The following XRN1 variants were observed in gnomAD, a reference collection of about 807,000 sequenced individuals.
The protein encoded by XRN1 is 5'-3' exoribonuclease 1.
In XRN1, 67 loss-of-function variants were observed where a neutral mutation model predicts 222.3. That is an observed-to-expected ratio of 0.30 (90% CI 0.25 to 0.37). The LOEUF (loss-of-function observed/expected upper bound fraction) is 0.37, where lower values mean the gene tolerates loss of function less well. XRN1 is among the 10% of genes least tolerant of loss of function. XRN1 has a pLI of 1.00. For synonymous variants in XRN1, 643 were observed against 652.4 expected, an observed-to-expected ratio of 0.99 and a Z score of 0.22; for missense variants, 1,707 against 2,000.2, an observed-to-expected ratio of 0.85 and a Z score of 2.80.
At chr3:142,318,975 A>C in intron 37 of XRN1, 72 bp from the exon 38 acceptor site, 2 of 1,189,046 alleles carry the variant, frequency 1.7e-6, no homozygotes, top group Middle Eastern at 2.9e-4. Context: ...AGTTTAGTCT[A>C]AACAAGTAAA....
intron 37 of XRN1, among the ~76,000 whole-genome samples, chr3:142,320,357 C>CA (rs2065319934): frequency 6.6e-6 from 1 of 152,122 alleles, no homozygotes; most frequent in African/African-American, 2.4e-5. Context: ...TGTTTGTTGG[C>CA]AACCCCTTGA....
At chr3:142,371,031 G>A (rs910156786) in intron 26 of XRN1, among the ~76,000 whole-genome samples, 3 of 151,874 alleles carry the variant, frequency 2.0e-5, no homozygotes, top group Non-Finnish European at 4.4e-5. Context: ...AGCTACTCAG[G>A]AGGCTGAGGT....
In XRN1 at chr3:142,311,531, C is replaced by T. The variant is rs760250895; in HGVS notation, c.5065G>A (p.Val1689Ile). The change falls in exon 41 of 41, where the codon GTT becomes ATT. Residue 1689 changes from valine (V) to isoleucine (I), a missense_variant. By Grantham distance (29) the Val-to-Ile change is conservative (BLOSUM62 3). Coordinates refer to ENST00000392981, the MANE Select transcript of XRN1 (RefSeq NM_001282857.2). ...CAAATTTACTCAGAAGGTTTAGAAACACCAAAATTAACAGCCAGTTTTCTT... is the reference window on the plus strand; with the variant it reads ...CAAATTTACTCAGAAGGTTTAGAAATACCAAAATTAACAGCCAGTTTTCTT... Reference protein sequence around the residue: ...KSRKLAVNFGVSKPSE With the variant: ...KSRKLAVNFGISKPSE 1 of 1,607,706 alleles carries T rather than the reference C, an allele frequency of 6.2e-7. No homozygotes were observed. Among genetic ancestry groups the T allele is most frequent in the Non-Finnish European group, 8.5e-7 (1 of 1,176,174 alleles).
At chr3:142,424,194 A>G (rs556505844) in intron 5 of XRN1, among the ~76,000 whole-genome samples, 2 of 152,280 alleles carry the variant, frequency 1.3e-5, no homozygotes, top group South Asian at 4.1e-4. Flanking sequence ...CCCAGGTTCA[A>G]GCAATTCTCC....
intron 1 of XRN1, among the ~76,000 whole-genome samples, chr3:142,445,414 G>A (rs536717257): frequency 1.6e-4 from 25 of 151,928 alleles, no homozygotes; most frequent in South Asian, 1.0e-3. Context: ...CCTTTTTCTC[G>A]TATAATAACT....
chr3:142,447,782 G>A lies in XRN1; in HGVS notation c.75+88C>T. On this transcript the variant is annotated intron_variant, in intron 1 of 40. Coordinates refer to ENST00000392981, the MANE Select transcript of XRN1 (RefSeq NM_001282857.2). This position sits in a 1 kb window ranked among gnomAD's most constrained non-coding sequence, Gnocchi z 4.2. ...TCGTCCAGACGACGAGGGGAAAGAGGTGGCTCGAAAGCCCCAGCTCTAAGG... is the reference window on the plus strand; with the variant it reads ...TCGTCCAGACGACGAGGGGAAAGAGATGGCTCGAAAGCCCCAGCTCTAAGG... The A allele has an allele frequency of 6.9e-7, 1 of 1,446,356 alleles. No homozygotes were observed. Among genetic ancestry groups the A allele is most frequent in the Non-Finnish European group, 9.5e-7 (1 of 1,047,654 alleles). The allele number at this position is 1,446,356 out of a possible 1,614,324, so 89.6% of individuals were successfully genotyped here.
intron 34 of XRN1, among the ~76,000 whole-genome samples, chr3:142,333,581 C>G (rs1045423030): frequency 2.6e-5 from 4 of 152,110 alleles, no homozygotes; most frequent in African/African-American, 9.7e-5. Flanking sequence ...GGCAACAAAA[C>G]ACTTATATGG....
intron 40 of XRN1, 116 bp downstream of exon 40, chr3:142,312,482 C>T (rs1467576808): frequency 9.6e-7 from 1 of 1,043,516 alleles, no homozygotes. Context: ...TCTTACTACC[C>T]ACACTAGTAC....
In XRN1 at chr3:142,425,202, A is replaced by G. The variant is rs1017891981; in HGVS notation, c.627+20T>C. The G allele has an allele frequency of 1.3e-6, 2 of 1,497,584 alleles. No homozygotes were observed. Among genetic ancestry groups the G allele is most frequent in the Admixed American group, 4.4e-5 (2 of 45,810 alleles). The allele number at this position is 1,497,584 out of a possible 1,614,324, so 92.8% of individuals were successfully genotyped here. On this transcript the variant is annotated intron_variant, in intron 5 of 40. Transcript: ENST00000392981. The stretch of plus-strand genomic sequence containing the variant: ...TTAACTATCAATGCATAAGTTTATA[A>G]TAATAAAAATTATACCTACCAAGTC...
rs1368054910 is a variant in XRN1, at chr3:142,372,760, T to C, written c.2979-1432A>G. ...GTGTATCACAGTATCCACTTGGTAA[T>C]GAAACCTTCTTTCCCTGGTTAACTT... On this transcript the variant is annotated intron_variant, in intron 25 of 40. Transcript: ENST00000392981. 9.9e-5 allele frequency among the ~76,000 whole-genome samples: 15 copies of C among 152,228 alleles called. 1 individual carries two copies. Among genetic ancestry groups the C allele is most frequent in the Admixed American group, 9.8e-4 (15 of 15,286 alleles).
At chr3:142,383,664 C>A (rs973232590) in intron 21 of XRN1, among the ~76,000 whole-genome samples, 1 of 152,290 alleles carries the variant, frequency 6.6e-6, no homozygotes, top group African/African-American at 2.4e-5. Flanking sequence ...CCTCACTTTA[C>A]AGATGACAAA....
intron 29 of XRN1, among the ~76,000 whole-genome samples, chr3:142,362,548 C>G (rs62276411): frequency 0.16 from 23,697 of 151,882 alleles, 1,981 homozygotes; most frequent in Middle Eastern, 0.2. Context: ...GTTGGGATTA[C>G]AGGCATGAGT....
intron 12 of XRN1, 50 bp from the exon 13 acceptor site, chr3:142,417,279 T>TG: frequency 6.6e-7 from 1 of 1,521,878 alleles, no homozygotes; most frequent in Non-Finnish European, 9.1e-7. Context: ...GACAGGCCCG[T>TG]GTCTTTAGAG....
chr3:142,438,441 G>A (rs574414931), intron 1 of XRN1, among the ~76,000 whole-genome samples: 1 of 152,288 alleles, frequency 6.6e-6, no homozygotes, highest in Non-Finnish European at 1.5e-5. Context: ...AATCCGATAA[G>A]CAGAGGTCCA....
chr3:142,447,814 G>C lies in XRN1; in HGVS notation c.75+56C>G, dbSNP rs904434348. The C allele has an allele frequency of 5.6e-6, 9 of 1,596,628 alleles. No homozygotes were observed. The highest frequency in any genetic ancestry group is 4.5e-5 in the East Asian group (2 of 44,678). On this transcript the variant is annotated intron_variant, in intron 1 of 40. Coordinates refer to ENST00000392981, the MANE Select transcript of XRN1 (RefSeq NM_001282857.2). This position sits in a 1 kb window ranked among gnomAD's most constrained non-coding sequence, Gnocchi z 4.2. ...GAAAGCCCCAGCTCTAAGGTGGAGA[G>C]GGCCGCGGAGCCCCGGGTCCTCGGC...
intron 19 of XRN1, 57 bp downstream of exon 19, chr3:142,400,387 C>T (rs2068081905): frequency 1.5e-6 from 2 of 1,360,880 alleles, no homozygotes; most frequent in South Asian, 1.3e-5. Context: ...CAATAAAAGC[C>T]ATCAAAGTCA....
rs2065039769 is a variant in XRN1 at position 142,309,754 on chromosome 3, T to G, written c.*1757A>C. The G allele has an allele frequency of 6.6e-6, 1 of 152,236 alleles. No homozygotes were observed. Among genetic ancestry groups the G allele is most frequent in the African/African-American group, 2.4e-5 (1 of 41,458 alleles). The allele number at this position is 152,236 out of a possible 1,614,324, so 9.4% of individuals were successfully genotyped here. On this transcript the variant is annotated 3_prime_UTR_variant, in exon 41 of 41. Coordinates refer to ENST00000392981, the MANE Select transcript of XRN1 (RefSeq NM_001282857.2). ...GAGGCAAATTCTCAATGCTGGAGTT[T>G]GTACAGCTGAGGTGAAACATTTCAC...
Position 142,335,477 on chromosome 3 carries a change from A to C in XRN1, c.3910T>G (p.Cys1304Gly). The C allele has an allele frequency of 1.9e-6, 3 of 1,613,952 alleles. No homozygotes were observed. The highest frequency in any genetic ancestry group is 2.5e-6 in the Non-Finnish European group (3 of 1,179,898). ...TTATTGGACATTTTTTGGGACCAAC[A>C]CTCAGCTTTAGGACTCTTACACTCT... is the stretch of plus-strand genomic sequence containing the variant. ...KEECKSPKAE[C>G]WSQKMSNKQP... is the part of the protein sequence containing the mutation. Residue 1304 changes from cysteine (C) to glycine (G), a missense_variant, in exon 34 of 41, where the codon TGT becomes GGT. Cys to Gly is a radical substitution (Grantham distance 159, BLOSUM62 -3). This residue lies in a region of XRN1 where 473 missense variants were observed against 482.0 expected (regional missense o/e 0.98). Transcript: ENST00000392981.
chr3:142,372,881 G>A (rs898392967), intron 25 of XRN1, among the ~76,000 whole-genome samples: 1 of 152,196 alleles, frequency 6.6e-6, no homozygotes, highest in Non-Finnish European at 1.5e-5. Context: ...AGATAAACAT[G>A]CAGGTAGTGA....
Sources: gnomAD v4.1 joint callset for allele counts (sites outside exome capture counted in the v4.1 genomes callset) on GRCh38, gnomAD v4.1.1 for gene constraint, gnomAD v4.1.1 regional missense constraint, Gnocchi (gnomAD v3.1) non-coding constraint, MANE v1.5 for transcripts, NCBI Gene and HGNC (gene_info 2026-07-23, HGNC 2026-07-21) for gene names.